ADAMTSL1: variants seen among roughly 807,000 people sequenced by gnomAD.
The protein encoded by ADAMTSL1 is ADAMTS like 1.
In ADAMTSL1, 126 loss-of-function variants were observed where a neutral mutation model predicts 201.8. That is an observed-to-expected ratio of 0.62 (90% CI 0.54 to 0.72). The LOEUF (loss-of-function observed/expected upper bound fraction) is 0.72, where lower values mean the gene tolerates loss of function less well. Among genes scored for constraint, ADAMTSL1 ranks in the 30% least tolerant of loss-of-function variants. The probability of loss-of-function intolerance (pLI) is 0.00; values close to 1 mark genes in which losing one functional copy is unlikely to be tolerated. For missense variants in ADAMTSL1, 2,679 were observed against 2,277.8 expected (o/e 1.18, Z -3.59); for synonymous variants, 1,121 against 903.4 (o/e 1.24, Z -4.32).
chr9:18,290,780 T>G (rs1833220900), intron 2 of ADAMTSL1, among the ~76,000 whole-genome samples: 1 of 57,822 alleles, frequency 1.7e-5, no homozygotes, highest in Non-Finnish European at 3.3e-5. Context: ...TTTTTTTGTG[T>G]GTTTTTTTTT....
chr9:18,539,663 C>T (rs1351058053), intron 3 of ADAMTSL1, among the ~76,000 whole-genome samples: 1 of 152,122 alleles, frequency 6.6e-6, no homozygotes, highest in East Asian at 1.9e-4. Context: ...GTGAGAAAAA[C>T]AACATGGAAT....
intron 1 of ADAMTSL1, among the ~76,000 whole-genome samples, chr9:18,047,558 G>A (rs1821723323): frequency 6.6e-6 from 1 of 152,042 alleles, no homozygotes; most frequent in African/African-American, 2.4e-5. Flanking sequence ...GGGTCTTGTG[G>A]TGCTAAAACT....
chr9:18,110,713 C>T, intron 1 of ADAMTSL1, among the ~76,000 whole-genome samples: 1 of 152,112 alleles, frequency 6.6e-6, no homozygotes, highest in Non-Finnish European at 1.5e-5. Flanking sequence ...CCCTTTATGC[C>T]TGCTAGGAAA....
intron 19 of ADAMTSL1, 72 bp downstream of exon 19, chr9:18,777,978 C>A: frequency 6.7e-7 from 1 of 1,502,396 alleles, no homozygotes; most frequent in Non-Finnish European, 8.9e-7. Context: ...ACACTACTTA[C>A]ACATTCTTCA....
chr9:18,092,657 T>C (rs765673729), intron 1 of ADAMTSL1, among the ~76,000 whole-genome samples: 1 of 152,186 alleles, frequency 6.6e-6, no homozygotes, highest in Admixed American at 6.5e-5. Context: ...GAATTTTTCA[T>C]TTGCTCCAGA....
intron 20 of ADAMTSL1, 46 bp downstream of exon 20, chr9:18,795,570 A>G (rs918890838): frequency 6.4e-7 from 1 of 1,554,596 alleles, no homozygotes; most frequent in Non-Finnish European, 8.7e-7. Context: ...ACCTTTATTG[A>G]ATGAGTGCCT....
intron 2 of ADAMTSL1, among the ~76,000 whole-genome samples, chr9:18,192,888 A>G (rs1266060235): frequency 6.6e-6 from 1 of 152,192 alleles, no homozygotes; most frequent in Non-Finnish European, 1.5e-5. Context: ...CAAGCACTGT[A>G]TGAAACATAT....
At chr9:18,366,532 T>A (rs1332556427) in intron 2 of ADAMTSL1, among the ~76,000 whole-genome samples, 1 of 151,950 alleles carries the variant, frequency 6.6e-6, no homozygotes, top group Non-Finnish European at 1.5e-5. Context: ...TGGCATTTCA[T>A]AATCAGCCTG....
intron 20 of ADAMTSL1, among the ~76,000 whole-genome samples, chr9:18,798,009 C>G (rs1011575704): frequency 1.3e-5 from 2 of 151,942 alleles, no homozygotes; most frequent in Admixed American, 1.3e-4. Context: ...CAGTCAAATC[C>G]TCTTGATGAA....
intron 23 of ADAMTSL1, among the ~76,000 whole-genome samples, chr9:18,868,481 G>A (rs1827680333): frequency 6.6e-6 from 1 of 152,212 alleles, no homozygotes; most frequent in East Asian, 1.9e-4. Flanking sequence ...TAAATTTGAT[G>A]TTTTTAAGCA....
rs1339412716 is a variant in ADAMTSL1, at chr9:18,320,652, A to G, written c.207+156671A>G. On this transcript the variant is annotated intron_variant, in intron 2 of 29. Transcript: ENST00000680146. ...TAGCTGGTTTTTAATGCAAAATTCC[A>G]ACATTACATTGTGAGGTGTATAAAT... Among the ~76,000 whole-genome samples, 3 of 152,338 alleles carry G rather than the reference A, an allele frequency of 2.0e-5. No individual in the cohort carries two copies. The East Asian group carries it at 5.8e-4, about 29-fold the overall frequency.
intron 2 of ADAMTSL1, among the ~76,000 whole-genome samples, chr9:18,297,371 T>G (rs745572759): frequency 8.2e-4 from 121 of 148,280 alleles, no homozygotes; most frequent in Non-Finnish European, 1.4e-3. Context: ...TTCTTTTTCT[T>G]TTTTTTTTTT....
chr9:17,941,525 G>C (rs1827237082), intron 1 of ADAMTSL1, among the ~76,000 whole-genome samples: 1 of 152,026 alleles, frequency 6.6e-6, no homozygotes. Flanking sequence ...CCTATAAATA[G>C]AATCTCCTGT....
chr9:18,845,579 T>C (rs773452709), intron 23 of ADAMTSL1, among the ~76,000 whole-genome samples: 6 of 152,244 alleles, frequency 3.9e-5, no homozygotes, highest in Non-Finnish European at 4.4e-5. Flanking sequence ...AGCTCACACA[T>C]TGCAGTTGGG....
In ADAMTSL1 at chr9:17,992,136, C is replaced by T. The variant is rs879072803; in HGVS notation, c.87+85214C>T. On this transcript the variant is annotated intron_variant, in intron 1 of 29. Transcript: ENST00000680146. ...ATATAGAGTATGGGTATAGAGAGAG[C>T]AGAGAAAGAGACCCTTTTCCCACAC... 4.1e-4 allele frequency among the ~76,000 whole-genome samples: 63 copies of T among 152,098 alleles called. 1 individual carries two copies. Among genetic ancestry groups the T allele is most frequent in the Admixed American group, 4.0e-3 (61 of 15,264 alleles).
chr9:18,776,666 C>G, intron 18 of ADAMTSL1, 115 bp from the exon 19 acceptor site: 1 of 1,234,776 alleles, frequency 8.1e-7, no homozygotes, highest in South Asian at 1.6e-5. Flanking sequence ...TTCGTCTCTC[C>G]TTCTCTTCTC....
At chr9:18,865,990 T>C (rs182722304) in intron 23 of ADAMTSL1, among the ~76,000 whole-genome samples, 15 of 151,956 alleles carry the variant, frequency 9.9e-5, no homozygotes, top group Non-Finnish European at 1.8e-4. Context: ...ACTTCTTCGT[T>C]GAAGGAAAGG....
intron 3 of ADAMTSL1, among the ~76,000 whole-genome samples, chr9:18,543,348 T>C (rs1362560919): frequency 6.6e-6 from 1 of 150,690 alleles, no homozygotes. Context: ...ACCCACAGCT[T>C]TTTTTTTTAA....
intron 7 of ADAMTSL1, among the ~76,000 whole-genome samples, chr9:18,645,100 T>A (rs1053520359): frequency 6.6e-6 from 1 of 152,184 alleles, no homozygotes; most frequent in African/African-American, 2.4e-5. Flanking sequence ...TGAGATGGTA[T>A]CTCATTGTGG....
Sources: allele counts gnomAD v4.1 joint callset (sites outside exome capture counted in the v4.1 genomes callset), GRCh38; gene constraint gnomAD v4.1.1; transcripts MANE v1.5; gene names NCBI Gene and HGNC (gene_info 2026-07-23, HGNC 2026-07-21).